Variants in MAP3K5 observed in about 807,000 individuals in gnomAD.
MAP3K5 encodes the protein mitogen-activated protein kinase kinase kinase 5.
MAP3K5 carries 56 observed loss-of-function variants against 158.7 expected under a neutral mutation model. The observed-to-expected ratio is 0.35, with a 90% CI of 0.28 to 0.44. The LOEUF is 0.44. Among genes scored for constraint, MAP3K5 ranks in the 20% least tolerant of loss-of-function variants. The probability of loss-of-function intolerance (pLI) is 1.00; values close to 1 mark genes in which losing one functional copy is unlikely to be tolerated. For missense variants in MAP3K5, 1,294 were observed against 1,674.8 expected (o/e 0.77, Z 3.97); for synonymous variants, 579 against 601.7 (o/e 0.96, Z 0.55).
At chr6:136,626,320 G>A (rs1295604686) in intron 14 of MAP3K5, among the ~76,000 whole-genome samples, 1 of 152,172 alleles carries the variant, frequency 6.6e-6, no homozygotes, top group Non-Finnish European at 1.5e-5. Context: ...CAGAGGCCAA[G>A]CTCTGGAAGG....
At chr6:136,735,803 CG>C (rs892160884) in intron 1 of MAP3K5, among the ~76,000 whole-genome samples, 3 of 151,904 alleles carry the variant, frequency 2.0e-5, no homozygotes, top group Admixed American at 1.3e-4. Context: ...TACTCCAATC[CG>C]GGTGACAGAG....
At chr6:136,773,474 C>T (rs1220758020) in intron 1 of MAP3K5, among the ~76,000 whole-genome samples, 1 of 152,208 alleles carries the variant, frequency 6.6e-6, no homozygotes, top group Non-Finnish European at 1.5e-5. Flanking sequence ...TTCTCTGAAA[C>T]ATTCAACTTC....
intron 7 of MAP3K5, among the ~76,000 whole-genome samples, chr6:136,687,075 T>C (rs1035267545): frequency 1.3e-5 from 2 of 152,012 alleles, no homozygotes; most frequent in Admixed American, 1.3e-4. Flanking sequence ...CCAAAACAGA[T>C]ACATAGACCA....
At chr6:136,643,871 T>A (rs1029496815) in intron 11 of MAP3K5, among the ~76,000 whole-genome samples, 3 of 152,166 alleles carry the variant, frequency 2.0e-5, no homozygotes, top group African/African-American at 7.2e-5. Context: ...AAGTTGCTTC[T>A]AAATCCTGTT....
At chr6:136,756,467 G>C (rs1398713702) in intron 1 of MAP3K5, among the ~76,000 whole-genome samples, 1 of 152,130 alleles carries the variant, frequency 6.6e-6, no homozygotes, top group African/African-American at 2.4e-5. Context: ...TGTTGTTGTT[G>C]AGACAGTCTC....
chr6:136,724,825 T>G (rs542957636), intron 1 of MAP3K5, among the ~76,000 whole-genome samples: 17 of 152,180 alleles, frequency 1.1e-4, no homozygotes, highest in Non-Finnish European at 2.2e-4. Flanking sequence ...TTGTCTCTGA[T>G]GTACAGTCTA....
intron 17 of MAP3K5, among the ~76,000 whole-genome samples, chr6:136,612,426 T>G (rs989595568): frequency 3.3e-5 from 5 of 152,194 alleles, no homozygotes; most frequent in African/African-American, 1.2e-4. Context: ...AAATTACGAT[T>G]TTCATAACTT....
At chr6:136,602,292 A>G (rs924205472) in intron 19 of MAP3K5, among the ~76,000 whole-genome samples, 2 of 151,812 alleles carry the variant, frequency 1.3e-5, no homozygotes, top group African/African-American at 4.8e-5. Context: ...AAGGATCTTT[A>G]TTTTTCTTTC....
At chr6:136,773,652 G>A (rs532317213) in intron 1 of MAP3K5, among the ~76,000 whole-genome samples, 2 of 151,952 alleles carry the variant, frequency 1.3e-5, no homozygotes, top group Non-Finnish European at 2.9e-5. Context: ...TGGTTGGTTC[G>A]TTGGTTGTTT....
At chr6:136,784,397 C>T (rs759419400) in intron 1 of MAP3K5, among the ~76,000 whole-genome samples, 2 of 152,112 alleles carry the variant, frequency 1.3e-5, no homozygotes, top group African/African-American at 2.4e-5. Context: ...CCTTAATTGA[C>T]CCATTATCCA....
intron 1 of MAP3K5, among the ~76,000 whole-genome samples, chr6:136,737,775 A>G (rs1465740058): frequency 6.6e-6 from 1 of 152,240 alleles, no homozygotes; most frequent in Non-Finnish European, 1.5e-5. Flanking sequence ...CTTCAAGTGC[A>G]ATGGCTGGAC....
At chr6:136,690,306 C>T (rs184389948) in intron 7 of MAP3K5, among the ~76,000 whole-genome samples, 2 of 152,144 alleles carry the variant, frequency 1.3e-5, no homozygotes, top group Non-Finnish European at 2.9e-5. Context: ...CTTTGCTCAA[C>T]TTTTTTAAAG....
chr6:136,660,932 G>A (rs1046479426), intron 8 of MAP3K5, among the ~76,000 whole-genome samples: 10 of 151,090 alleles, frequency 6.6e-5, no homozygotes, highest in Admixed American at 3.3e-4. Flanking sequence ...TTTATGGCCT[G>A]TGGACACAAA....
intron 1 of MAP3K5, among the ~76,000 whole-genome samples, chr6:136,779,188 A>C (rs1254104911): frequency 1.3e-5 from 2 of 152,162 alleles, no homozygotes; most frequent in African/African-American, 4.8e-5. Context: ...CAGAGGTTGC[A>C]GTGAGCCAAG....
chr6:136,655,428 T>C (rs1378635121), intron 10 of MAP3K5, among the ~76,000 whole-genome samples: 1 of 152,234 alleles, frequency 6.6e-6, no homozygotes, highest in Non-Finnish European at 1.5e-5. Context: ...GAGTAAAGCA[T>C]GCTCATGTCA....
At chr6:136,791,162 T>G (rs1785058207) in intron 1 of MAP3K5, among the ~76,000 whole-genome samples, 1 of 152,012 alleles carries the variant, frequency 6.6e-6, no homozygotes, top group African/African-American at 2.4e-5. Flanking sequence ...AAAGTCTGGG[T>G]TGGTGAGAGG....
chr6:136,749,579 C>G (rs563399317), intron 1 of MAP3K5, among the ~76,000 whole-genome samples: 1 of 152,062 alleles, frequency 6.6e-6, no homozygotes, highest in South Asian at 2.1e-4. Flanking sequence ...TCATTCATCT[C>G]TCAAAAGGGA....
intron 25 of MAP3K5, among the ~76,000 whole-genome samples, chr6:136,575,243 C>T (rs975765439): frequency 6.6e-6 from 1 of 150,864 alleles, no homozygotes; most frequent in African/African-American, 2.4e-5. Flanking sequence ...CTCACTGTGG[C>T]CTTGACCTCC....
intron 1 of MAP3K5, among the ~76,000 whole-genome samples, chr6:136,790,350 C>T (rs1206024962): frequency 6.6e-6 from 1 of 152,188 alleles, no homozygotes; most frequent in African/African-American, 2.4e-5. Context: ...GTATTTTCCT[C>T]TCATATCTTT....
Sources: gnomAD v4.1 joint callset for allele counts (sites outside exome capture counted in the v4.1 genomes callset) on GRCh38, gnomAD v4.1.1 for gene constraint, MANE v1.5 for transcripts, NCBI Gene and HGNC (gene_info 2026-07-23, HGNC 2026-07-21) for gene names.